GPC3: variants seen among roughly 807,000 people sequenced by gnomAD.
GPC3 encodes glypican 3, also known as glypican-3.
In GPC3, 3 loss-of-function variants were observed where a neutral mutation model predicts 34.4. The observed-to-expected ratio is 0.09, with a 90% CI of 0.04 to 0.23. The LOEUF is 0.23. Ranked by LOEUF, GPC3 falls within the 10% of genes least tolerant of loss-of-function variation. The probability of loss-of-function intolerance (pLI) is 1.00; values close to 1 mark genes in which losing one functional copy is unlikely to be tolerated. For synonymous variants in GPC3, 177 were observed against 174.0 expected (o/e 1.02, Z -0.13); for missense variants, 351 against 445.6 (o/e 0.79, Z 1.91).
At chrX:133,691,216 C>T (rs781563076) in intron 5 of GPC3, among the ~76,000 whole-genome samples, 3 of 111,232 alleles carry the variant, frequency 2.7e-5, no homozygotes, top group Non-Finnish European at 5.7e-5. Flanking sequence ...AACAAATACT[C>T]GGCTGGGTGG....
At chrX:133,643,775 A>G (rs754487181) in intron 6 of GPC3, among the ~76,000 whole-genome samples, 2 of 110,567 alleles carry the variant, frequency 1.8e-5, no homozygotes, top group East Asian at 2.8e-4. Flanking sequence ...TGGAAACAGC[A>G]TAGTTCCCAT....
In GPC3 at chrX:133,591,096, A is replaced by G. The variant is rs183615713; in HGVS notation, c.1573+5344T>C. Among the ~76,000 whole-genome samples, 693 of 112,257 alleles carry G rather than the reference A, an allele frequency of 6.2e-3. 2 individuals are homozygous for G. The highest frequency in any genetic ancestry group is 9.1e-3 in the Non-Finnish European group (487 of 53,230). ...AGGGAAGAAGTAAGCCAGGGAAGCC[A>G]GCCGATAGAGCTACTTGCTGGTCAT... On this transcript the variant is annotated intron_variant, in intron 7 of 7. Coordinates refer to ENST00000370818, the MANE Select transcript of GPC3 (RefSeq NM_004484.4).
Position 133,657,956 on chromosome X carries a change from A to G in GPC3, c.1413+3774T>C, listed in dbSNP as rs757337891. ...AGAGAGGAGAAGTATTTCTGTATTT[A>G]TAAATATGTATGTTGGAGCATGCTA... On this transcript the variant is annotated intron_variant, in intron 6 of 7. Transcript: ENST00000370818. Among the ~76,000 whole-genome samples, 116 of 109,244 alleles carry G rather than the reference A, an allele frequency of 1.1e-3. 1 individual carries two copies. Among genetic ancestry groups the G allele is most frequent in the African/African-American group, 3.9e-3 (114 of 29,355 alleles). The allele number at this position is 109,244 out of a possible 115,157, so 94.9% of individuals were successfully genotyped here. A position where few individuals can be genotyped will look rare whatever the true frequency, so the allele number is the denominator to read the frequency against.
At chrX:133,714,459 G>T (rs1307149911) in intron 3 of GPC3, among the ~76,000 whole-genome samples, 1 of 110,828 alleles carries the variant, frequency 9.0e-6, no homozygotes, top group African/African-American at 3.3e-5. Context: ...AATAACAATA[G>T]ATATAACTCC....
intron 2 of GPC3, among the ~76,000 whole-genome samples, chrX:133,861,598 T>C (rs1709795220): frequency 2.7e-5 from 3 of 111,744 alleles, no homozygotes. Flanking sequence ...TATTTGTGCC[T>C]ACCCAAATCC....
chrX:133,786,477 T>TA (rs1255803734), intron 2 of GPC3, among the ~76,000 whole-genome samples: 1 of 112,654 alleles, frequency 8.9e-6, no homozygotes, highest in Non-Finnish European at 1.9e-5. Flanking sequence ...CCTAGGCAGA[T>TA]AAAAAGGGGT....
At chrX:133,841,203 G>A (rs1283034367) in intron 2 of GPC3, among the ~76,000 whole-genome samples, 1 of 41,889 alleles carries the variant, frequency 2.4e-5, no homozygotes. Flanking sequence ...ACCATGCCTG[G>A]CTAATCTTTT....
chrX:133,692,239 C>A, intron 5 of GPC3, 130 bp downstream of exon 5: 7 of 737,120 alleles, frequency 9.5e-6, no homozygotes, highest in Non-Finnish European at 1.5e-5. Context: ...GCCACCGCAT[C>A]CAGCCTCATA....
chrX:133,931,009 A>G (rs372303541), intron 2 of GPC3, among the ~76,000 whole-genome samples: 1 of 111,935 alleles, frequency 8.9e-6, no homozygotes, highest in Non-Finnish European at 1.9e-5. Flanking sequence ...TTGAGGCAAC[A>G]GATAGTATCG....
At chrX:133,949,081 G>T (rs931276196) in intron 2 of GPC3, among the ~76,000 whole-genome samples, 6 of 111,993 alleles carry the variant, frequency 5.4e-5, no homozygotes, top group African/African-American at 1.9e-4. Context: ...AGAAAACTGA[G>T]GCTACTGGAG....
chrX:133,693,497 T>G (rs2071086012), intron 4 of GPC3, among the ~76,000 whole-genome samples: 1 of 111,893 alleles, frequency 8.9e-6, no homozygotes. Flanking sequence ...CACATCCAAA[T>G]GTACCTTATG....
intron 6 of GPC3, among the ~76,000 whole-genome samples, chrX:133,616,737 G>A (rs1209953479): frequency 7.0e-5 from 7 of 100,268 alleles, no homozygotes; most frequent in South Asian, 4.8e-4. Flanking sequence ...TCACTCTGTC[G>A]CCCAGGCTGG....
chrX:133,696,110 A>G (rs2124434313), intron 4 of GPC3, among the ~76,000 whole-genome samples: 1 of 112,402 alleles, frequency 8.9e-6, no homozygotes, highest in Admixed American at 9.4e-5. Flanking sequence ...AATATCTTAG[A>G]GTCCCAAAGG....
chrX:133,705,415 C>T (rs936724530), intron 3 of GPC3, among the ~76,000 whole-genome samples: 3 of 111,312 alleles, frequency 2.7e-5, no homozygotes, highest in African/African-American at 9.8e-5. Context: ...TGGTCTTGAA[C>T]TCCTGGACTC....
chrX:133,957,846 AT>A (rs200140123), intron 1 of GPC3, among the ~76,000 whole-genome samples: 24 of 107,804 alleles, frequency 2.2e-4, no homozygotes, highest in Middle Eastern at 9.6e-3. Context: ...TATTATTATT[AT>A]TTTTTTTTTG....
At chrX:133,628,649 C>G (rs1344080214) in intron 6 of GPC3, among the ~76,000 whole-genome samples, 3 of 104,585 alleles carry the variant, frequency 2.9e-5, no homozygotes, top group Non-Finnish European at 5.8e-5. Flanking sequence ...GAGCAAGACT[C>G]TGTCTCAAAA....
At chrX:133,907,951 C>CAT (rs751719449) in intron 2 of GPC3, among the ~76,000 whole-genome samples, 2,358 of 108,835 alleles carry the variant, frequency 0.022, 24 homozygotes, top group Non-Finnish European at 0.035. Flanking sequence ...ATATATGTTA[C>CAT]ATATATATAT....
intron 2 of GPC3, among the ~76,000 whole-genome samples, chrX:133,887,999 G>A (rs1217877744): frequency 5.6e-5 from 6 of 106,840 alleles, no homozygotes; most frequent in Admixed American, 4.1e-4. Context: ...AGGTATACAC[G>A]TGCCCTGGTG....
At chrX:133,573,470 T>C (rs1239295931) in intron 7 of GPC3, among the ~76,000 whole-genome samples, 1 of 111,902 alleles carries the variant, frequency 8.9e-6, no homozygotes, top group Non-Finnish European at 1.9e-5. Flanking sequence ...AGTAGAACTG[T>C]CTTTATTTGA....
Sources: gnomAD v4.1 joint callset for allele counts (sites outside exome capture counted in the v4.1 genomes callset) on GRCh38, gnomAD v4.1.1 for gene constraint, MANE v1.5 for transcripts, NCBI Gene and HGNC (gene_info 2026-07-23, HGNC 2026-07-21) for gene names.